ASCC3: variants seen among roughly 807,000 people sequenced by gnomAD.
ASCC3 encodes the protein activating signal cointegrator 1 complex subunit 3.
Under a neutral mutation model 256.3 loss-of-function variants are expected in ASCC3, and 158 were observed. The observed-to-expected ratio is 0.62, with a 90% CI of 0.54 to 0.70. ASCC3 has a LOEUF of 0.70. Ranked by LOEUF, ASCC3 falls within the 30% of genes least tolerant of loss-of-function variation. The pLI, the probability that ASCC3 is intolerant of heterozygous loss-of-function variation, is 0.00. For missense variants in ASCC3, 2,259 were observed against 2,626.0 expected (o/e 0.86, Z 3.05); for synonymous variants, 948 against 883.4 (o/e 1.07, Z -1.30).
chr6:100,718,014 C>A, intron 12 of ASCC3, 61 bp downstream of exon 12: 1 of 1,532,632 alleles, frequency 6.5e-7, no homozygotes, highest in Non-Finnish European at 8.9e-7. Context: ...TAACTCCAAA[C>A]AAGTATTCAA....
At chr6:100,717,733 T>C (rs772930905) in intron 12 of ASCC3, among the ~76,000 whole-genome samples, 11 of 152,124 alleles carry the variant, frequency 7.2e-5, no homozygotes, top group South Asian at 4.1e-4. Context: ...ACTTGTTTAA[T>C]TGGAGTTTTT....
chr6:100,557,245 A>G lies in ASCC3; in HGVS notation c.5551-16858T>C, dbSNP rs145500378. Among the ~76,000 whole-genome samples the G allele has an allele frequency of 3.0e-4, 46 of 152,180 alleles. 1 individual carries two copies. In the East Asian group the frequency reaches 8.5e-3, roughly 28 times the overall value. ...CTTTTTTAAGGTGGAGGGTTAGGTC[A>G]CTGATTTGAGATAGTTCTTTAACGC... On this transcript the variant is annotated intron_variant, in intron 36 of 41. Transcript: ENST00000369162.
intron 4 of ASCC3, among the ~76,000 whole-genome samples, chr6:100,830,028 GA>G (rs1771544791): frequency 6.6e-6 from 1 of 152,030 alleles, no homozygotes; most frequent in Non-Finnish European, 1.5e-5. Flanking sequence ...AGGCAGGACA[GA>G]GCAAGATGGT....
At chr6:100,532,382 A>ATATATATATAT (rs1774940079) in intron 37 of ASCC3, among the ~76,000 whole-genome samples, 1 of 59,688 alleles carries the variant, frequency 1.7e-5, no homozygotes, top group South Asian at 6.9e-4. Flanking sequence ...ATGTGTGTAT[A>ATATATATATAT]TATATATATA....
At chr6:100,763,788 T>C (rs1781519821) in intron 10 of ASCC3, among the ~76,000 whole-genome samples, 1 of 152,164 alleles carries the variant, frequency 6.6e-6, no homozygotes, top group Non-Finnish European at 1.5e-5. Flanking sequence ...TAAATGCAAA[T>C]GTCCCCCGCT....
chr6:100,647,632 C>T, intron 20 of ASCC3, among the ~76,000 whole-genome samples, 181 bp from the exon 21 acceptor site: 1 of 152,038 alleles, frequency 6.6e-6, no homozygotes, highest in Admixed American at 6.6e-5. Context: ...AAGAATAATC[C>T]TATCCTTTAT....
intron 19 of ASCC3, among the ~76,000 whole-genome samples, chr6:100,651,045 T>A (rs1775642984): frequency 6.6e-6 from 1 of 151,744 alleles, no homozygotes; most frequent in Non-Finnish European, 1.5e-5. Context: ...TTGACCAGAG[T>A]AAAACCTCTG....
chr6:100,632,700 G>A (rs888090579), intron 25 of ASCC3, among the ~76,000 whole-genome samples: 1 of 152,056 alleles, frequency 6.6e-6, no homozygotes, highest in Admixed American at 6.6e-5. Context: ...TCTTCAACAA[G>A]GGCCTAAAGC....
At position 100,848,523 on chromosome 6, in the gene ASCC3, A is replaced by C; in HGVS notation, c.426T>G (p.Ser142Arg). The change falls in exon 4 of 42, where the codon AGT becomes AGG. Residue 142 changes from serine to arginine, a missense_variant. Ser to Arg is a moderately radical substitution (Grantham distance 110). Transcript: ENST00000369162. ...NATNRIISHF[S>R]QDDLTALVQM... is the part of the protein sequence containing the mutation. ...GCACAAGAGCAGTAAGATCATCTTG[A>C]CTAAAATGAGAAATAATTCGATTAG... The C allele has an allele frequency of 6.2e-7, 1 of 1,614,122 alleles. No homozygotes were observed. The highest frequency in any genetic ancestry group is 1.3e-5 in the African/African-American group (1 of 75,046).
intron 4 of ASCC3, among the ~76,000 whole-genome samples, chr6:100,839,346 T>C (rs910275919): frequency 6.6e-6 from 1 of 152,152 alleles, no homozygotes; most frequent in East Asian, 1.9e-4. Flanking sequence ...GAGTGAACAG[T>C]ATCAAACAGA....
intron 37 of ASCC3, among the ~76,000 whole-genome samples, chr6:100,532,378 G>GTATA (rs1219461410): frequency 1.4e-4 from 10 of 69,078 alleles, no homozygotes; most frequent in South Asian, 5.7e-4. Flanking sequence ...GTGTATGTGT[G>GTATA]TATATATATA....
At chr6:100,524,040 A>G (rs957459651) in intron 37 of ASCC3, among the ~76,000 whole-genome samples, 10 of 152,132 alleles carry the variant, frequency 6.6e-5, no homozygotes, top group Non-Finnish European at 1.2e-4. Context: ...AGGCATTAAT[A>G]TTACCCCCCT....
rs370808978 is a variant in ASCC3 at position 100,586,673 on chromosome 6, C to T, written c.5550+2961G>A. ...AAATGCAGAAATCACCCGTCTTCTG[C>T]GTCACTCACGCTGGGAGCTGTAGAC... On this transcript the variant is annotated intron_variant, in intron 36 of 41. Transcript: ENST00000369162. Among the ~76,000 whole-genome samples, 5 of 152,292 alleles carry T rather than the reference C, an allele frequency of 3.3e-5. No individual in the cohort carries two copies. The South Asian group carries it at 6.2e-4, about 19-fold the overall frequency.
intron 8 of ASCC3, among the ~76,000 whole-genome samples, chr6:100,775,277 G>T (rs1782132542): frequency 6.6e-6 from 1 of 151,998 alleles, no homozygotes; most frequent in African/African-American, 2.4e-5. Flanking sequence ...TATCTTCTGA[G>T]AATAAGAAGG....
intron 30 of ASCC3, among the ~76,000 whole-genome samples, chr6:100,620,832 C>A (rs558133307): frequency 6.6e-6 from 1 of 152,086 alleles, no homozygotes; most frequent in Non-Finnish European, 1.5e-5. Flanking sequence ...GGAAAGTAAC[C>A]CACACAAAGA....
Position 100,870,730 on chromosome 6 carries a change from T to C in ASCC3, c.-41-2692A>G, listed in dbSNP as rs188230258. On this transcript the variant is annotated intron_variant, in intron 1 of 41. Transcript: ENST00000369162. Reference sequence around the variant, plus strand: ...GCTGACTTCAGATTTCAACTACCTGTTGGGAGTGAATTCAGGAGAGCATGG... The same window carrying C: ...GCTGACTTCAGATTTCAACTACCTGCTGGGAGTGAATTCAGGAGAGCATGG... Among the ~76,000 whole-genome samples, 23 of 152,210 alleles carry C rather than the reference T, an allele frequency of 1.5e-4. No homozygotes were observed. The East Asian group carries it at 4.2e-3, about 28-fold the overall frequency.
intron 27 of ASCC3, 25 bp downstream of exon 27, chr6:100,628,990 T>G: frequency 6.2e-7 from 1 of 1,603,566 alleles, no homozygotes; most frequent in South Asian, 1.1e-5. Context: ...GTTTGTAAAC[T>G]GGCTTTAGAT....
At chr6:100,521,061 A>G (rs895535461) in intron 37 of ASCC3, among the ~76,000 whole-genome samples, 39 of 152,168 alleles carry the variant, frequency 2.6e-4, no homozygotes, top group African/African-American at 9.2e-4. Context: ...TAATATAGGT[A>G]AAAATCTAAT....
chr6:100,543,115 A>T (rs763656044), intron 36 of ASCC3, among the ~76,000 whole-genome samples: 2 of 152,182 alleles, frequency 1.3e-5, no homozygotes, highest in African/African-American at 2.4e-5. Flanking sequence ...AGATACTTAA[A>T]TCCAGATACT....
Sources: allele counts gnomAD v4.1 joint callset (sites outside exome capture counted in the v4.1 genomes callset), GRCh38; gene constraint gnomAD v4.1.1; transcripts MANE v1.5; gene names NCBI Gene and HGNC (gene_info 2026-07-23, HGNC 2026-07-21).